Variants in MGMT observed in about 807,000 individuals in gnomAD.
The protein encoded by MGMT is O-6-methylguanine-DNA methyltransferase.
In MGMT, 14 loss-of-function variants were observed where a neutral mutation model predicts 15.9. That is an observed-to-expected ratio of 0.88 (90% CI 0.58 to 1.37). The LOEUF (loss-of-function observed/expected upper bound fraction) is 1.37. Ranked by LOEUF, MGMT falls within the 40% of genes most tolerant of loss-of-function variation. The pLI is 0.00. For synonymous variants in MGMT, 130 were observed against 118.2 expected (o/e 1.10, Z -0.65); for missense variants, 282 against 268.1 (o/e 1.05, Z -0.36).
chr10:129,687,907 C>T (rs1014882538), intron 2 of MGMT, among the ~76,000 whole-genome samples: 7 of 150,990 alleles, frequency 4.6e-5, no homozygotes, highest in Middle Eastern at 6.9e-3. Flanking sequence ...TCCAAGTGTT[C>T]TCATTGTTCA....
chr10:129,477,017 C>T (rs942207151), intron 1 of MGMT, among the ~76,000 whole-genome samples: 9 of 152,132 alleles, frequency 5.9e-5, no homozygotes, highest in Admixed American at 3.3e-4. Context: ...TCTGTGGGCT[C>T]GTGGGACCCC....
At chr10:129,473,492 TTGAG>T (rs1487011450) in intron 1 of MGMT, among the ~76,000 whole-genome samples, 1 of 152,150 alleles carries the variant, frequency 6.6e-6, no homozygotes, top group Non-Finnish European at 1.5e-5. Context: ...CTCGGAGAGT[TTGAG>T]TGACTTGCAC....
At chr10:129,696,432 T>G (rs921685915) in intron 2 of MGMT, among the ~76,000 whole-genome samples, 6 of 151,802 alleles carry the variant, frequency 4.0e-5, no homozygotes, top group Non-Finnish European at 5.9e-5. Flanking sequence ...TAAGCAAAAT[T>G]GGAAGTGATG....
intron 2 of MGMT, among the ~76,000 whole-genome samples, chr10:129,692,681 C>T (rs919318607): frequency 1.3e-5 from 2 of 152,162 alleles, no homozygotes; most frequent in Non-Finnish European, 2.9e-5. Flanking sequence ...CCAGCGTGGC[C>T]ATGGCATCTG....
At chr10:129,671,484 T>C (rs942001863) in intron 2 of MGMT, among the ~76,000 whole-genome samples, 1 of 152,188 alleles carries the variant, frequency 6.6e-6, no homozygotes, top group Non-Finnish European at 1.5e-5. Context: ...CATTTGTTTA[T>C]GTCTTGTCTG....
rs951894064 is a variant in MGMT, at chr10:129,734,729, C to T, written c.275-24473C>T. Among the ~76,000 whole-genome samples, 44 of 152,076 alleles carry T rather than the reference C, an allele frequency of 2.9e-4. 1 individual carries two copies. The highest frequency in any genetic ancestry group is 9.9e-4 in the African/African-American group (41 of 41,492). The stretch of plus-strand genomic sequence containing the variant: ...AGATAGCACTTATTATTTTGAGATA[C>T]GTCCCATCAATACCTAATTTATTGA... On this transcript the variant is annotated intron_variant, in intron 3 of 4. Transcript: ENST00000651593.
At chr10:129,625,729 G>A (rs1276362089) in intron 2 of MGMT, among the ~76,000 whole-genome samples, 3 of 2,504 alleles carry the variant, frequency 1.2e-3, no homozygotes, top group East Asian at 0.5. Flanking sequence ...GTGCACACGT[G>A]TGTGTGCGTG....
intron 2 of MGMT, among the ~76,000 whole-genome samples, chr10:129,557,602 T>G (rs1247866929): frequency 1.3e-5 from 2 of 152,204 alleles, no homozygotes; most frequent in African/African-American, 4.8e-5. Context: ...AATTAGATAA[T>G]GCAGAAATCT....
chr10:129,592,698 A>T (rs1846701125), intron 2 of MGMT, among the ~76,000 whole-genome samples: 1 of 152,116 alleles, frequency 6.6e-6, no homozygotes, highest in South Asian at 2.1e-4. Context: ...CTGTATGGAA[A>T]CAGACTGAAG....
intron 3 of MGMT, among the ~76,000 whole-genome samples, chr10:129,758,368 A>G (rs1460911981): frequency 6.6e-6 from 1 of 152,082 alleles, no homozygotes; most frequent in South Asian, 2.1e-4. Flanking sequence ...GATGGAGGAC[A>G]TGGCTCTGTC....
chr10:129,558,664 G>C (rs1373329500), intron 2 of MGMT, among the ~76,000 whole-genome samples: 1 of 152,158 alleles, frequency 6.6e-6, no homozygotes, highest in Non-Finnish European at 1.5e-5. Context: ...TTGTGTTATT[G>C]TGGAAATCTC....
At chr10:129,474,879 G>A (rs1018716269) in intron 1 of MGMT, among the ~76,000 whole-genome samples, 40 of 152,118 alleles carry the variant, frequency 2.6e-4, no homozygotes, top group South Asian at 8.3e-4. Flanking sequence ...CCCTGGGCTC[G>A]CAGTGGCCTT....
chr10:129,735,019 T>A (rs1848543895), intron 3 of MGMT, among the ~76,000 whole-genome samples: 1 of 152,142 alleles, frequency 6.6e-6, no homozygotes, highest in Non-Finnish European at 1.5e-5. Context: ...GGTCTAAAAT[T>A]CTCTTTTTTG....
chr10:129,652,793 G>A (rs531137386), intron 2 of MGMT, among the ~76,000 whole-genome samples: 1 of 152,352 alleles, frequency 6.6e-6, no homozygotes, highest in African/African-American at 2.4e-5. Flanking sequence ...CATGCAGGGC[G>A]CACCCACGGG....
intron 2 of MGMT, among the ~76,000 whole-genome samples, chr10:129,652,483 G>C (rs183643325): frequency 2.6e-5 from 4 of 152,266 alleles, no homozygotes; most frequent in African/African-American, 9.6e-5. Context: ...ATTCTAGTAT[G>C]TGCGTGCGCC....
intron 1 of MGMT, 104 bp downstream of exon 1, chr10:129,467,400 G>C (rs1204339956): frequency 1.4e-6 from 2 of 1,387,934 alleles, no homozygotes; most frequent in South Asian, 3.1e-5. Flanking sequence ...GCCGTCGGGT[G>C]TGGGGCCGCC....
chr10:129,530,683 T>C (rs1387392408), intron 1 of MGMT, among the ~76,000 whole-genome samples: 1 of 152,206 alleles, frequency 6.6e-6, no homozygotes, highest in Non-Finnish European at 1.5e-5. Flanking sequence ...CTCCTCTTGT[T>C]GAAAACTCTG....
At chr10:129,737,185 T>C (rs899612714) in intron 3 of MGMT, among the ~76,000 whole-genome samples, 11 of 152,218 alleles carry the variant, frequency 7.2e-5, no homozygotes, top group African/African-American at 2.7e-4. Context: ...CCCTGTCACT[T>C]TCAGGTACAC....
intron 1 of MGMT, among the ~76,000 whole-genome samples, chr10:129,497,968 A>G (rs750665506): frequency 3.9e-5 from 6 of 152,244 alleles, no homozygotes; most frequent in Non-Finnish European, 7.3e-5. Flanking sequence ...CAAAGCACCC[A>G]GTCTAAGGTA....
Sources: allele counts gnomAD v4.1 joint callset (sites outside exome capture counted in the v4.1 genomes callset), GRCh38; gene constraint gnomAD v4.1.1; transcripts MANE v1.5; gene names NCBI Gene and HGNC (gene_info 2026-07-23, HGNC 2026-07-21).